The following PLCB1 variants were observed in gnomAD, a reference collection of about 807,000 sequenced individuals.
The protein encoded by PLCB1 is 1-phosphatidylinositol 4,5-bisphosphate phosphodiesterase beta-1.
PLCB1 carries 46 observed loss-of-function variants against 161.8 expected under a neutral mutation model. The observed-to-expected ratio is 0.28, with a 90% confidence interval of 0.22 to 0.36. The LOEUF (loss-of-function observed/expected upper bound fraction) is 0.36. Ranked by LOEUF, PLCB1 falls within the 10% of genes least tolerant of loss-of-function variation. PLCB1 has a pLI of 1.00. For missense variants in PLCB1, 1,016 were observed against 1,472.5 expected (o/e 0.69, Z 5.07); for synonymous variants, 517 against 503.7 (o/e 1.03, Z -0.35).
chr20:8,681,029 C>T (rs1990195296), intron 9 of PLCB1, among the ~76,000 whole-genome samples: 1 of 144,358 alleles, frequency 6.9e-6, no homozygotes, highest in Non-Finnish European at 1.5e-5. Context: ...CATACAAACA[C>T]ATACATATAT....
chr20:8,297,892 G>GTTTTTTTTTTTTTTT (rs749268293), intron 2 of PLCB1, among the ~76,000 whole-genome samples: 1 of 132,708 alleles, frequency 7.5e-6, no homozygotes, highest in Non-Finnish European at 1.6e-5. Context: ...TTCTTTTTGG[G>GTTTTTTTTTTTTTTT]TTTTTTTTTT....
intron 9 of PLCB1, among the ~76,000 whole-genome samples, chr20:8,680,170 G>C (rs1419732434): frequency 6.6e-6 from 1 of 152,110 alleles, no homozygotes; most frequent in Non-Finnish European, 1.5e-5. Context: ...CAGTGGACCA[G>C]AGTGGATCAG....
At chr20:8,274,025 TTA>T in intron 2 of PLCB1, among the ~76,000 whole-genome samples, 1 of 152,250 alleles carries the variant, frequency 6.6e-6, no homozygotes, top group Non-Finnish European at 1.5e-5. Context: ...CATACTGAAA[TTA>T]GTAGAAGTGA....
chr20:8,193,756 A>G (rs1193746886), intron 2 of PLCB1, among the ~76,000 whole-genome samples: 3 of 152,032 alleles, frequency 2.0e-5, no homozygotes, highest in Middle Eastern at 3.4e-3. Context: ...TATTCTCCCA[A>G]TTGTTTTTTA....
At chr20:8,789,202 A>T (rs1296671708) in intron 29 of PLCB1, among the ~76,000 whole-genome samples, 1 of 151,958 alleles carries the variant, frequency 6.6e-6, no homozygotes, top group Non-Finnish European at 1.5e-5. Flanking sequence ...ACACAGGGAG[A>T]CTCTGTCTCT....
Position 8,613,845 on chromosome 20 carries a change from G to A in PLCB1, c.247-14449G>A, listed in dbSNP as rs181345889. Among the ~76,000 whole-genome samples the A allele has an allele frequency of 5.4e-4, 82 of 151,964 alleles. No homozygotes were observed. In the East Asian group the frequency reaches 0.013, roughly 23 times the overall value. ...ATGGCAATAAATCAGAAAAATTACA[G>A]TGAAAATATTGATAGAACCAAATAT... On this transcript the variant is annotated intron_variant, in intron 3 of 31. Transcript: ENST00000338037.
intron 3 of PLCB1, among the ~76,000 whole-genome samples, chr20:8,463,628 T>A (rs1981686347): frequency 6.6e-6 from 1 of 152,214 alleles, no homozygotes; most frequent in African/African-American, 2.4e-5. Context: ...TTGCCAGGTT[T>A]AATTTTTTTC....
chr20:8,713,430 G>T (rs150573160), intron 12 of PLCB1, among the ~76,000 whole-genome samples: 11 of 152,262 alleles, frequency 7.2e-5, no homozygotes, highest in African/African-American at 2.2e-4. Context: ...TGATCTGCCT[G>T]CCTCGGCATC....
At chr20:8,490,666 A>G (rs1982906474) in intron 3 of PLCB1, among the ~76,000 whole-genome samples, 1 of 152,158 alleles carries the variant, frequency 6.6e-6, no homozygotes, top group Admixed American at 6.5e-5. Flanking sequence ...TAGTCATTCT[A>G]ATACATGGGT....
rs573310981 is a variant in PLCB1, at chr20:8,660,271, A to AC, written c.862+1568dup. On this transcript the variant is annotated intron_variant, in intron 9 of 31. Coordinates refer to ENST00000338037, the MANE Select transcript of PLCB1 (RefSeq NM_015192.4). ...AATAGGTTGCCCTTCCTTCCCTAGTACACAAGAGATGAGATTTCCCCTTAT... is the reference window on the plus strand; with the variant it reads ...AATAGGTTGCCCTTCCTTCCCTAGTACCACAAGAGATGAGATTTCCCCTTAT... 3.4e-4 allele frequency among the ~76,000 whole-genome samples: 52 copies of AC among 152,164 alleles called. 1 individual carries two copies. The East Asian group carries it at 9.3e-3, about 27-fold the overall frequency.
chr20:8,531,422 AT>A (rs1391628389), intron 3 of PLCB1, among the ~76,000 whole-genome samples: 1 of 152,170 alleles, frequency 6.6e-6, no homozygotes, highest in African/African-American at 2.4e-5. Context: ...GCAAGACATA[AT>A]TATTACAATT....
intron 31 of PLCB1, among the ~76,000 whole-genome samples, chr20:8,814,664 T>C (rs1365719483): frequency 6.6e-6 from 1 of 152,012 alleles, no homozygotes; most frequent in Non-Finnish European, 1.5e-5. Context: ...TTCTCTAAAC[T>C]AAAGAAGCTT....
chr20:8,543,206 G>A (rs1985402160), intron 3 of PLCB1, among the ~76,000 whole-genome samples: 1 of 152,082 alleles, frequency 6.6e-6, no homozygotes, highest in African/African-American at 2.4e-5. Context: ...AAAAAAATAA[G>A]TAAAATAAGG....
intron 3 of PLCB1, among the ~76,000 whole-genome samples, chr20:8,376,924 T>C (rs1057229393): frequency 3.4e-5 from 5 of 149,180 alleles, no homozygotes; most frequent in African/African-American, 1.0e-4. Flanking sequence ...CGAGACTCCA[T>C]CTCAAAAAAA....
chr20:8,803,598 T>C (rs1364324591), intron 31 of PLCB1, among the ~76,000 whole-genome samples: 1 of 152,084 alleles, frequency 6.6e-6, no homozygotes, highest in East Asian at 1.9e-4. Flanking sequence ...GGAAGGTGAG[T>C]AGAGGACCGA....
chr20:8,534,991 A>G (rs1409953187), intron 3 of PLCB1, among the ~76,000 whole-genome samples: 2 of 151,920 alleles, frequency 1.3e-5, no homozygotes, highest in African/African-American at 4.8e-5. Flanking sequence ...GAAGGGCTCA[A>G]GCATGCAGAT....
chr20:8,485,225 T>C (rs1982669885), intron 3 of PLCB1, among the ~76,000 whole-genome samples: 1 of 152,196 alleles, frequency 6.6e-6, no homozygotes, highest in Admixed American at 6.5e-5. Flanking sequence ...AGAACTTAGA[T>C]TAAGGGAGTA....
chr20:8,490,872 A>ATATATGTACACATATC (rs72419665), intron 3 of PLCB1, among the ~76,000 whole-genome samples: 16 of 148,362 alleles, frequency 1.1e-4, no homozygotes, highest in African/African-American at 3.5e-4. Flanking sequence ...ATATATATAT[A>ATATATGTACACATATC]TATATGTACA....
At chr20:8,167,906 C>G (rs539138373) in intron 2 of PLCB1, among the ~76,000 whole-genome samples, 2 of 152,120 alleles carry the variant, frequency 1.3e-5, no homozygotes, top group Non-Finnish European at 2.9e-5. Flanking sequence ...CTCAGGTGGG[C>G]TCCTTCTGGC....
Sources: gnomAD v4.1 joint callset for allele counts (sites outside exome capture counted in the v4.1 genomes callset) on GRCh38, gnomAD v4.1.1 for gene constraint, MANE v1.5 for transcripts, NCBI Gene and HGNC (gene_info 2026-07-23, HGNC 2026-07-21) for gene names.